Variants in MYO5B observed in about 807,000 individuals in gnomAD.
MYO5B encodes unconventional myosin-Vb.
In MYO5B, 143 loss-of-function variants were observed where a neutral mutation model predicts 229.3. That is an observed-to-expected ratio of 0.62 (90% CI 0.54 to 0.72). MYO5B has a LOEUF of 0.72. MYO5B is among the 30% of genes least tolerant of loss of function. MYO5B has a pLI of 0.00. For synonymous variants in MYO5B, 918 were observed against 885.2 expected, an observed-to-expected ratio of 1.04 and a Z score of -0.66; for missense variants, 2,321 against 2,331.0, an observed-to-expected ratio of 1.00 and a Z score of 0.09.
At chr18:49,885,494 G>C (rs555472724) in intron 22 of MYO5B, among the ~76,000 whole-genome samples, 50 of 152,262 alleles carry the variant, frequency 3.3e-4, no homozygotes, top group Middle Eastern at 3.4e-3. Context: ...AACCCAGAGA[G>C]GTGGCCCTAG....
At chr18:50,009,789 A>C (rs1252839457) in intron 4 of MYO5B, among the ~76,000 whole-genome samples, 2 of 152,334 alleles carry the variant, frequency 1.3e-5, no homozygotes, top group East Asian at 3.9e-4. Flanking sequence ...GAATGTTCCA[A>C]GCAAGAGAGT....
At chr18:50,088,646 C>T (rs1418993732) in intron 1 of MYO5B, among the ~76,000 whole-genome samples, 1 of 152,182 alleles carries the variant, frequency 6.6e-6, no homozygotes, top group Non-Finnish European at 1.5e-5. Flanking sequence ...CAGAAATTAT[C>T]AATTTTCACT....
chr18:50,138,213 G>GA (rs2032364540), intron 1 of MYO5B, among the ~76,000 whole-genome samples: 1 of 151,752 alleles, frequency 6.6e-6, no homozygotes, highest in Admixed American at 6.6e-5. Flanking sequence ...AAAATTAAAA[G>GA]AAAAAATGGG....
At chr18:50,043,493 A>AAG (rs1568083492) in intron 2 of MYO5B, among the ~76,000 whole-genome samples, 1 of 89,698 alleles carries the variant, frequency 1.1e-5, no homozygotes, top group African/African-American at 4.3e-5. Flanking sequence ...ATATATTTTT[A>AAG]TATATAAATA....
chr18:49,834,852 A>G (rs1197316792), intron 39 of MYO5B, among the ~76,000 whole-genome samples: 1 of 152,068 alleles, frequency 6.6e-6, no homozygotes, highest in Non-Finnish European at 1.5e-5. Context: ...GTTAGCCAGG[A>G]TGGTCTTGAT....
At chr18:49,975,696 T>C (rs1220162255) in intron 9 of MYO5B, among the ~76,000 whole-genome samples, 5 of 152,154 alleles carry the variant, frequency 3.3e-5, no homozygotes, top group Non-Finnish European at 5.9e-5. Context: ...GGAAAGAAAC[T>C]GGAATTCCTC....
intron 11 of MYO5B, among the ~76,000 whole-genome samples, 156 bp from the exon 12 acceptor site, chr18:49,962,562 A>T (rs2025571875): frequency 6.6e-6 from 1 of 152,208 alleles, no homozygotes; most frequent in South Asian, 2.1e-4. Context: ...AGAAAAGCAA[A>T]GCACAGTTAG....
At chr18:50,188,415 T>C (rs1240306950) in intron 1 of MYO5B, among the ~76,000 whole-genome samples, 2 of 152,206 alleles carry the variant, frequency 1.3e-5, no homozygotes, top group Non-Finnish European at 2.9e-5. Flanking sequence ...CAGATAATCC[T>C]GTATTGTTAG....
chr18:49,859,027 G>A (rs1405637078), intron 29 of MYO5B, among the ~76,000 whole-genome samples: 1 of 152,214 alleles, frequency 6.6e-6, no homozygotes, highest in African/African-American at 2.4e-5. Context: ...TTTCCAGAGA[G>A]ACCACTGTGA....
chr18:49,986,715 T>G (rs1452422043), intron 7 of MYO5B, among the ~76,000 whole-genome samples: 1 of 152,152 alleles, frequency 6.6e-6, no homozygotes, highest in African/African-American at 2.4e-5. Context: ...AAAGTACCAA[T>G]TTTTTTCCCT....
chr18:50,106,145 C>T (rs2031756076), intron 1 of MYO5B, among the ~76,000 whole-genome samples: 1 of 152,010 alleles, frequency 6.6e-6, no homozygotes, highest in Non-Finnish European at 1.5e-5. Context: ...CTTCACTTCC[C>T]CTCTACCTCG....
intron 1 of MYO5B, among the ~76,000 whole-genome samples, chr18:50,183,177 G>A (rs1215583326): frequency 6.6e-6 from 1 of 151,580 alleles, no homozygotes; most frequent in Non-Finnish European, 1.5e-5. Context: ...GAATACCTGT[G>A]AACTCACTAC....
At chr18:50,180,843 G>A (rs2033063516) in intron 1 of MYO5B, among the ~76,000 whole-genome samples, 1 of 152,182 alleles carries the variant, frequency 6.6e-6, no homozygotes, top group East Asian at 1.9e-4. Flanking sequence ...GCAGATGTCA[G>A]AATTTCGTTG....
chr18:50,009,930 G>C (rs2026144634), intron 4 of MYO5B, among the ~76,000 whole-genome samples: 1 of 152,158 alleles, frequency 6.6e-6, no homozygotes, highest in African/African-American at 2.4e-5. Context: ...GGTTCCTGGG[G>C]TGAAAATGGC....
At position 49,843,360 on chromosome 18, in the gene MYO5B, G is replaced by C. The variant is rs2144041828; in HGVS notation, c.4492C>G (p.Pro1498Ala). ...TAGAGGATGTAGGCGGGGAGACAGG[G>C]CACTGTGCCCGACAGCATCTGGGGC... ...LKPQMLSGTV[P>A]CLPAYILYMC... Residue 1498 changes from proline (P) to alanine (A), a missense_variant, in exon 34 of 40, where the codon CCC becomes GCC. Pro to Ala is a conservative substitution (Grantham distance 27, BLOSUM62 -1). Transcript: ENST00000285039. The C allele has an allele frequency of 1.2e-6, 2 of 1,614,176 alleles. No individual in the cohort carries two copies. Among genetic ancestry groups the C allele is most frequent in the Non-Finnish European group, 1.7e-6 (2 of 1,180,042 alleles).
intron 17 of MYO5B, among the ~76,000 whole-genome samples, chr18:49,916,629 G>C (rs982252044): frequency 1.3e-5 from 2 of 152,146 alleles, no homozygotes; most frequent in Non-Finnish European, 2.9e-5. Flanking sequence ...GAGGGGAGAG[G>C]AGATGCCAGC....
intron 2 of MYO5B, among the ~76,000 whole-genome samples, chr18:50,051,175 T>C (rs2030382757): frequency 6.6e-6 from 1 of 152,214 alleles, no homozygotes; most frequent in Non-Finnish European, 1.5e-5. Flanking sequence ...TAATTAAAAA[T>C]ATGAGATTTA....
intron 17 of MYO5B, among the ~76,000 whole-genome samples, chr18:49,912,942 A>G (rs1474407301): frequency 3.3e-5 from 5 of 152,236 alleles, no homozygotes; most frequent in Admixed American, 3.3e-4. Flanking sequence ...ATGCAGAAAT[A>G]TGTACATTAA....
intron 1 of MYO5B, among the ~76,000 whole-genome samples, chr18:50,169,336 G>T (rs1197291414): frequency 7.9e-6 from 1 of 126,508 alleles, no homozygotes; most frequent in Non-Finnish European, 1.7e-5. Flanking sequence ...TGCAGGGGAG[G>T]GTAATGAGTC....
Sources: gnomAD v4.1 joint callset for allele counts (sites outside exome capture counted in the v4.1 genomes callset) on GRCh38, gnomAD v4.1.1 for gene constraint, MANE v1.5 for transcripts, NCBI Gene and HGNC (gene_info 2026-07-23, HGNC 2026-07-21) for gene names.